BCAT1: variants seen among roughly 807,000 people sequenced by gnomAD.
The protein encoded by BCAT1 is branched chain amino acid transaminase 1.
Under a neutral mutation model 52.4 loss-of-function variants are expected in BCAT1, and 48 were observed. The observed-to-expected ratio is 0.92, with a 90% CI of 0.73 to 1.16. BCAT1 has a LOEUF of 1.16. BCAT1 is among the 50% of genes most tolerant of loss of function. BCAT1 has a pLI of 0.00. For missense variants in BCAT1, 451 were observed against 457.1 expected (o/e 0.99, Z 0.12); for synonymous variants, 167 against 161.3 (o/e 1.04, Z -0.27).
intron 10 of BCAT1, among the ~76,000 whole-genome samples, chr12:24,823,552 G>A (rs1389129582): frequency 6.6e-6 from 1 of 152,170 alleles, no homozygotes; most frequent in African/African-American, 2.4e-5. Context: ...ATGTGGAATT[G>A]TAATCCCCCA....
chr12:24,887,665 T>C (rs764875489), intron 3 of BCAT1, among the ~76,000 whole-genome samples: 8 of 152,248 alleles, frequency 5.3e-5, no homozygotes, highest in Non-Finnish European at 1.2e-4. Flanking sequence ...TGAGCATTCA[T>C]TTATTAGTAC....
chr12:24,907,639 T>A (rs772143912), intron 1 of BCAT1, among the ~76,000 whole-genome samples: 1 of 152,184 alleles, frequency 6.6e-6, no homozygotes, highest in Non-Finnish European at 1.5e-5. Context: ...CCCTTGTGAA[T>A]GCACTTTGTA....
At chr12:24,901,616 G>A (rs897475305) in intron 2 of BCAT1, among the ~76,000 whole-genome samples, 198 bp downstream of exon 2, 1 of 152,312 alleles carries the variant, frequency 6.6e-6, no homozygotes, top group South Asian at 2.1e-4. Flanking sequence ...TTAGCTGCTA[G>A]ATAATTTTTG....
At chr12:24,941,145 T>A (rs567214064) in intron 1 of BCAT1, among the ~76,000 whole-genome samples, 1 of 152,244 alleles carries the variant, frequency 6.6e-6, no homozygotes, top group South Asian at 2.1e-4. Flanking sequence ...ATTACTGAGT[T>A]TGTTCATTAC....
chr12:24,843,881 C>T (rs1011985854), intron 6 of BCAT1, among the ~76,000 whole-genome samples: 3 of 152,068 alleles, frequency 2.0e-5, no homozygotes, highest in Non-Finnish European at 4.4e-5. Flanking sequence ...ACCTGAAATA[C>T]AGGCATTTTC....
intron 10 of BCAT1, among the ~76,000 whole-genome samples, chr12:24,824,237 T>TCCTTCCTTCCTTCCTTCCTC: frequency 7.9e-6 from 1 of 126,554 alleles, no homozygotes; most frequent in Admixed American, 7.9e-5. Flanking sequence ...TACATTTCCT[T>TCCTTCCTTCCTTCCTTCCTC]CCTTCCTTCC....
rs1249774412 is a variant in BCAT1 at position 24,836,894 on chromosome 12, AAAGAAAAG to A, written c.818-306_818-299del. On this transcript the variant is annotated intron_variant, in intron 7 of 10. Coordinates refer to ENST00000261192, the MANE Select transcript of BCAT1 (RefSeq NM_005504.7). Reference sequence around the variant, plus strand: ...GAAAGAGAAAGAGAAAGAAAGAAAGAAAGAAAAGAAAGAGAGAAAGAAAGAAAGAAAGA... The same window carrying A: ...GAAAGAGAAAGAGAAAGAAAGAAAGAAAAGAGAGAAAGAAAGAAAGAAAGA... Among the ~76,000 whole-genome samples, 33 of 54,242 alleles carry A rather than the reference AAAGAAAAG, an allele frequency of 6.1e-4. 3 individuals are homozygous for A. In the Middle Eastern group the frequency reaches 0.039, roughly 64 times the overall value. 35.6% of individuals were successfully genotyped at this position (54,242 alleles called of 152,430 possible).
intron 1 of BCAT1, chr12:24,902,618 G>C: frequency 4.5e-6 from 2 of 442,822 alleles, no homozygotes; most frequent in South Asian, 9.0e-5. Context: ...GCAGCCCAGA[G>C]ATTCAGCTCC....
At chr12:24,871,009 C>A (rs886779341) in intron 5 of BCAT1, among the ~76,000 whole-genome samples, 6 of 151,596 alleles carry the variant, frequency 4.0e-5, no homozygotes, top group African/African-American at 1.5e-4. Context: ...GGCAACAGAG[C>A]AAGACTCTGT....
intron 10 of BCAT1, among the ~76,000 whole-genome samples, chr12:24,827,185 C>A (rs1336600595): frequency 2.0e-5 from 3 of 152,110 alleles, no homozygotes; most frequent in African/African-American, 7.2e-5. Flanking sequence ...AAAAGGCTTT[C>A]ATGTAATCTA....
At chr12:24,826,324 G>T (rs1940397475) in intron 10 of BCAT1, among the ~76,000 whole-genome samples, 1 of 152,200 alleles carries the variant, frequency 6.6e-6, no homozygotes, top group Non-Finnish European at 1.5e-5. Flanking sequence ...TATGGTAAGA[G>T]AAGCGAATCT....
chr12:24,860,784 A>G (rs1460083559), intron 5 of BCAT1, among the ~76,000 whole-genome samples: 1 of 152,212 alleles, frequency 6.6e-6, no homozygotes, highest in Non-Finnish European at 1.5e-5. Flanking sequence ...ACTTTCTGAC[A>G]GGCCTAGGAG....
At chr12:24,890,601 C>T (rs553816213) in intron 3 of BCAT1, among the ~76,000 whole-genome samples, 12 of 152,162 alleles carry the variant, frequency 7.9e-5, no homozygotes, top group East Asian at 1.9e-4. Flanking sequence ...ACCAGTGTCA[C>T]GACAATTTAC....
At chr12:24,932,567 T>C (rs1188001840) in intron 1 of BCAT1, among the ~76,000 whole-genome samples, 1 of 152,256 alleles carries the variant, frequency 6.6e-6, no homozygotes, top group Non-Finnish European at 1.5e-5. Flanking sequence ...ATTGTAATAA[T>C]ATTAGTTAAT....
intron 1 of BCAT1, among the ~76,000 whole-genome samples, chr12:24,936,488 C>T (rs960021294): frequency 6.6e-6 from 1 of 152,198 alleles, no homozygotes; most frequent in Non-Finnish European, 1.5e-5. Context: ...CCACCTTGGC[C>T]TCCCAAAGTG....
chr12:24,848,818 C>A (rs1941418537), intron 6 of BCAT1, among the ~76,000 whole-genome samples: 1 of 152,184 alleles, frequency 6.6e-6, no homozygotes, highest in Non-Finnish European at 1.5e-5. Flanking sequence ...TTTCTCTACC[C>A]ATTGAGGGAA....
At chr12:24,928,378 C>G (rs1006830558) in intron 1 of BCAT1, among the ~76,000 whole-genome samples, 4 of 152,158 alleles carry the variant, frequency 2.6e-5, no homozygotes, top group African/African-American at 9.7e-5. Context: ...GTAGCCCATG[C>G]CTGTAATCCA....
At chr12:24,935,910 A>G (rs1285158884) in intron 1 of BCAT1, among the ~76,000 whole-genome samples, 1 of 152,102 alleles carries the variant, frequency 6.6e-6, no homozygotes, top group Non-Finnish European at 1.5e-5. Flanking sequence ...GAAAACCTAC[A>G]CTTCTGCCAA....
chr12:24,938,959 C>T (rs757931392), intron 1 of BCAT1, among the ~76,000 whole-genome samples: 3 of 152,148 alleles, frequency 2.0e-5, no homozygotes, highest in Non-Finnish European at 2.9e-5. Context: ...ACTGTAGCCT[C>T]CACCTCCCAG....
Sources: allele counts gnomAD v4.1 joint callset (sites outside exome capture counted in the v4.1 genomes callset), GRCh38; gene constraint gnomAD v4.1.1; transcripts MANE v1.5; gene names NCBI Gene and HGNC (gene_info 2026-07-23, HGNC 2026-07-21).